The following CHN2 variants were observed in gnomAD, a reference collection of about 807,000 sequenced individuals.
CHN2 encodes chimerin 2, also known as beta-chimaerin.
A neutral mutation model predicts 56.3 loss-of-function variants in CHN2; 35 were observed. The observed-to-expected ratio is 0.62, with a 90% CI of 0.47 to 0.82. The LOEUF is 0.82. CHN2 is among the 40% of genes least tolerant of loss of function. The probability of loss-of-function intolerance (pLI) is 0.00; values close to 1 mark genes in which losing one functional copy is unlikely to be tolerated. For synonymous variants in CHN2, 210 were observed against 212.8 expected (o/e 0.99, Z 0.12); for missense variants, 491 against 580.5 (o/e 0.85, Z 1.58).
chr7:29,490,265 T>G (rs1788516864), intron 7 of CHN2, among the ~76,000 whole-genome samples: 1 of 152,182 alleles, frequency 6.6e-6, no homozygotes, highest in African/African-American at 2.4e-5. Flanking sequence ...CTTCCCCACC[T>G]GCTCAATCTT....
chr7:29,292,413 A>T (rs1020565929), intron 1 of CHN2, among the ~76,000 whole-genome samples: 1 of 152,244 alleles, frequency 6.6e-6, no homozygotes, highest in Non-Finnish European at 1.5e-5. Flanking sequence ...AAGGACATCA[A>T]GTTAATATTT....
At chr7:29,210,974 C>T (rs1784878014) in intron 1 of CHN2, among the ~76,000 whole-genome samples, 1 of 152,000 alleles carries the variant, frequency 6.6e-6, no homozygotes, top group Non-Finnish European at 1.5e-5. Context: ...TCGTAGGCCG[C>T]CCTAAGGACT....
At chr7:29,470,701 A>C (rs60995862) in intron 6 of CHN2, among the ~76,000 whole-genome samples, 15,982 of 152,278 alleles carry the variant, frequency 0.1, 1,217 homozygotes, top group East Asian at 0.22. Context: ...AGTAGTGGAC[A>C]AGAAAATGCA....
At chr7:29,157,250 G>A (rs575863462) in intron 2 of CHN2, among the ~76,000 whole-genome samples, 2 of 152,066 alleles carry the variant, frequency 1.3e-5, no homozygotes, top group South Asian at 4.1e-4. Flanking sequence ...AATGAGATGC[G>A]ACCCCTCCCC....
At position 29,381,809 on chromosome 7, in the gene CHN2, CAAAAAAAAAAAA is replaced by C. The variant is rs60652952; in HGVS notation, c.145-11854_145-11843del. The stretch of plus-strand genomic sequence containing the variant: ...AAAAGTCTATTCTCACTAAACTAAG[CAAAAAAAAAAAA>C]AAAAAAAAAAAAAAAGCAGGGCCTA... On this transcript the variant is annotated intron_variant, in intron 3 of 12. Coordinates refer to ENST00000222792, the MANE Select transcript of CHN2 (RefSeq NM_004067.4). Among the ~76,000 whole-genome samples, 22 of 39,512 alleles carry C rather than the reference CAAAAAAAAAAAA, an allele frequency of 5.6e-4. 1 individual carries two copies. Among genetic ancestry groups the C allele is most frequent in the African/African-American group, 1.4e-3 (20 of 14,270 alleles). The allele number at this position is 39,512 out of a possible 152,430, so 25.9% of individuals were successfully genotyped here.
At chr7:29,425,981 C>T (rs904556243) in intron 6 of CHN2, among the ~76,000 whole-genome samples, 10 of 151,760 alleles carry the variant, frequency 6.6e-5, no homozygotes, top group Admixed American at 6.6e-4. Context: ...GAGGCCAAGG[C>T]GGATGGATCA....
At chr7:29,485,619 G>C (rs1302038391) in intron 7 of CHN2, among the ~76,000 whole-genome samples, 2 of 152,190 alleles carry the variant, frequency 1.3e-5, no homozygotes, top group Non-Finnish European at 2.9e-5. Flanking sequence ...GGGAAAGAAA[G>C]AGCACCCGGG....
chr7:29,511,235 C>T (rs1427625530), intron 12 of CHN2, among the ~76,000 whole-genome samples: 1 of 57,760 alleles, frequency 1.7e-5, no homozygotes, highest in Admixed American at 1.7e-4. Flanking sequence ...TATTGTTGCT[C>T]AGATTCAGGG....
At chr7:29,204,067 CTGTGTGTGTGTGTGTGTGTGTGTGTG>C (rs55930139) in intron 1 of CHN2, among the ~76,000 whole-genome samples, 20 of 128,854 alleles carry the variant, frequency 1.6e-4, no homozygotes, top group African/African-American at 5.8e-4. Context: ...TTCTCTCTCT[CTGTGTGTGTGTGTGTGTGTGTGTGTG>C]TGTGTGTGTG....
intron 6 of CHN2, among the ~76,000 whole-genome samples, chr7:29,407,326 G>A (rs1328121967): frequency 6.6e-6 from 1 of 151,982 alleles, no homozygotes; most frequent in Non-Finnish European, 1.5e-5. Flanking sequence ...TGCCACTGTG[G>A]AGGGGGTCTT....
chr7:29,236,030 C>T (rs1337630492), intron 1 of CHN2, among the ~76,000 whole-genome samples: 1 of 152,150 alleles, frequency 6.6e-6, no homozygotes, highest in Non-Finnish European at 1.5e-5. Context: ...ATCCCCTGAA[C>T]CTAAAATAAA....
At chr7:29,496,785 G>A (rs968371530) in intron 8 of CHN2, among the ~76,000 whole-genome samples, 1 of 152,182 alleles carries the variant, frequency 6.6e-6, no homozygotes, top group Admixed American at 6.5e-5. Context: ...AATGATAAAT[G>A]ATACAAATTA....
chr7:29,479,961 C>A (rs201582391), intron 6 of CHN2: 167 of 1,452,202 alleles, frequency 1.1e-4, no homozygotes, highest in Non-Finnish European at 1.4e-4. Flanking sequence ...TCAAACTGGG[C>A]CTTTCAGGTC....
chr7:29,340,769 G>T (rs527505253), intron 1 of CHN2, among the ~76,000 whole-genome samples: 1 of 152,338 alleles, frequency 6.6e-6, no homozygotes, highest in South Asian at 2.1e-4. Flanking sequence ...TCCTCATTTA[G>T]ACTAATTCTC....
In CHN2 at chr7:29,481,377, T is replaced by G. The variant is rs144934779; in HGVS notation, c.654+1021T>G. 1.3e-4 allele frequency among the ~76,000 whole-genome samples: 20 copies of G among 152,302 alleles called. No individual in the cohort carries two copies. The East Asian group carries it at 3.7e-3, about 28-fold the overall frequency. ...GTCAGAGGTGACGAGGGAAACTGAT[T>G]TTATTCTGTTGCTTTCCGATCCTTT... On this transcript the variant is annotated intron_variant, in intron 7 of 12. Transcript: ENST00000222792.
intron 6 of CHN2, among the ~76,000 whole-genome samples, chr7:29,444,502 GC>G (rs1585414384): frequency 1.3e-5 from 2 of 152,306 alleles, no homozygotes; most frequent in African/African-American, 4.8e-5. Context: ...GGCTGGCTGG[GC>G]CTGCCTCCCT....
rs57823678 is a variant in CHN2, at chr7:29,405,164, TACACACACACACACACACACACACAC to T, written c.576+4369_576+4394del. 5.2e-3 allele frequency among the ~76,000 whole-genome samples: 549 copies of T among 105,216 alleles called. 4 individuals are homozygous for T. Among genetic ancestry groups the T allele is most frequent in the African/African-American group, 0.016 (484 of 30,826 alleles). 69.0% of individuals were successfully genotyped at this position (105,216 alleles called of 152,430 possible). A position where few individuals can be genotyped will look rare whatever the true frequency, so the allele number is the denominator to read the frequency against. ...TCTGTATGGAGTGCTTATGTCACCA[TACACACACACACACACACACACACAC>T]ACACACACACACACACACACACACA... On this transcript the variant is annotated intron_variant, in intron 6 of 12. Transcript: ENST00000222792.
chr7:29,485,570 A>G (rs1787873054), intron 7 of CHN2, among the ~76,000 whole-genome samples: 2 of 152,230 alleles, frequency 1.3e-5, no homozygotes, highest in Admixed American at 1.3e-4. Flanking sequence ...AAGTTGGCTG[A>G]AGCCCAAGTA....
intron 1 of CHN2, among the ~76,000 whole-genome samples, chr7:29,334,053 T>C (rs867751533): frequency 1.6e-4 from 12 of 73,246 alleles, no homozygotes; most frequent in Middle Eastern, 6.1e-3. Flanking sequence ...TCTTTTCTTT[T>C]TTTTTTTTTT....
Sources: gnomAD v4.1 joint callset for allele counts (sites outside exome capture counted in the v4.1 genomes callset) on GRCh38, gnomAD v4.1.1 for gene constraint, MANE v1.5 for transcripts, NCBI Gene and HGNC (gene_info 2026-07-23, HGNC 2026-07-21) for gene names.